Variants in SI observed in about 807,000 individuals in gnomAD.
SI encodes sucrase-isomaltase, intestinal.
In SI, 235 loss-of-function variants were observed where a neutral mutation model predicts 253.3. That is an observed-to-expected ratio of 0.93 (90% CI 0.83 to 1.03). The LOEUF (loss-of-function observed/expected upper bound fraction) is 1.03. Among genes scored for constraint, SI ranks in the 50% least tolerant of loss-of-function variants. SI has a pLI of 0.00. For synonymous variants in SI, 819 were observed against 712.0 expected (o/e 1.15, Z -2.39); for missense variants, 2,442 against 2,211.1 (o/e 1.10, Z -2.09).
chr3:165,005,248 T>C (rs1718447749), intron 37 of SI, among the ~76,000 whole-genome samples: 1 of 151,332 alleles, frequency 6.6e-6, no homozygotes, highest in South Asian at 2.1e-4. Flanking sequence ...ATGGGTGCTA[T>C]ATATATAGTT....
chr3:165,030,555 G>A (rs955898155), intron 25 of SI, among the ~76,000 whole-genome samples, 157 bp downstream of exon 25: 35 of 150,932 alleles, frequency 2.3e-4, no homozygotes, highest in Admixed American at 2.3e-3. Context: ...TAAGATAAAA[G>A]TGAATTGCCT....
chr3:165,041,870 T>C (rs955259759), intron 17 of SI, among the ~76,000 whole-genome samples: 1 of 152,092 alleles, frequency 6.6e-6, no homozygotes, highest in Non-Finnish European at 1.5e-5. Flanking sequence ...TGAATGAGCA[T>C]AGTAAGAACA....
chr3:165,029,786 G>A (rs1212545582), intron 25 of SI, among the ~76,000 whole-genome samples: 2 of 150,232 alleles, frequency 1.3e-5, no homozygotes, highest in Non-Finnish European at 3.0e-5. Context: ...ATGCAAAGGG[G>A]AATGGATGTG....
At position 165,019,690 on chromosome 3, in the gene SI, T is replaced by A; in HGVS notation, c.3335A>T (p.Tyr1112Phe). ...TGTATGTTCCACTTCCCCAAAACCA[T>A]ATATATATTCTGATGGCAGGCGAGT... ...ISTRLPSEYI[Y>F]GFGEVEHTAF... The change falls in exon 28 of 48, where the codon TAT becomes TTT. Residue 1112 changes from tyrosine to phenylalanine, a missense_variant. By Grantham distance (22) the Tyr-to-Phe change is conservative. Transcript: ENST00000264382. The A allele has an allele frequency of 6.2e-7, 1 of 1,611,694 alleles. No individual in the cohort carries two copies. Among genetic ancestry groups the A allele is most frequent in the Non-Finnish European group, 8.5e-7 (1 of 1,178,258 alleles).
intron 12 of SI, among the ~76,000 whole-genome samples, chr3:165,056,645 A>C (rs1323056858): frequency 6.6e-6 from 1 of 152,136 alleles, no homozygotes; most frequent in African/African-American, 2.4e-5. Context: ...ATTGGAGCTC[A>C]GTATTGGCCT....
At chr3:165,031,134 A>G (rs1435306232) in intron 24 of SI, among the ~76,000 whole-genome samples, 1 of 149,498 alleles carries the variant, frequency 6.7e-6, no homozygotes, top group African/African-American at 2.4e-5. Flanking sequence ...AATTATGTCT[A>G]TAATTGGGAT....
the SI span, among the ~76,000 whole-genome samples, chr3:165,087,457 G>A: frequency 6.6e-6 from 1 of 152,276 alleles, no homozygotes; most frequent in South Asian, 2.1e-4. Context: ...AGGGTCAGCA[G>A]ATATCCAGAA....
chr3:165,082,177 C>T (rs996400600), upstream of SI, among the ~76,000 whole-genome samples: 4 of 151,950 alleles, frequency 2.6e-5, no homozygotes, highest in Non-Finnish European at 5.9e-5. Flanking sequence ...CTAGCTCTAT[C>T]TCAATTGATA....
At chr3:165,031,269 T>C (rs1712222965) in intron 24 of SI, among the ~76,000 whole-genome samples, 1 of 149,276 alleles carries the variant, frequency 6.7e-6, no homozygotes, top group Non-Finnish European at 1.5e-5. Context: ...TTGCAAAACT[T>C]TAAGGAATGA....
rs761353079 is a variant in SI, at chr3:165,055,299, T to A, written c.1407A>T (p.Pro469=). The A allele has an allele frequency of 1.9e-6, 3 of 1,558,676 alleles. No homozygotes were observed. Among genetic ancestry groups the A allele is most frequent in the African/African-American group, 2.7e-5 (2 of 73,878 alleles). The change falls in exon 13 of 48, where the codon CCA becomes CCT. Residue 469 remains proline (P), a synonymous_variant. Transcript: ENST00000264382. ...GSTPIIGEVW[P]GLTVYPDFTN... ...TGAAATCAGGGTATACTGTTAATCC[T>A]GGCCATACCTAGAAGAATAGATCAT...
the SI span, among the ~76,000 whole-genome samples, chr3:165,088,337 ACT>A: frequency 6.9e-6 from 1 of 144,858 alleles, no homozygotes; most frequent in Admixed American, 6.9e-5. Flanking sequence ...CAAGAGAGAA[ACT>A]CTCTCTCAAA....
intron 37 of SI, among the ~76,000 whole-genome samples, chr3:165,002,077 T>G (rs1027626612): frequency 6.6e-6 from 1 of 151,642 alleles, no homozygotes; most frequent in Non-Finnish European, 1.5e-5. Context: ...TTTAATTTTC[T>G]AAGTCCTCTC....
intron 45 of SI, among the ~76,000 whole-genome samples, chr3:164,983,272 G>C (rs1717282691): frequency 6.6e-6 from 1 of 152,154 alleles, no homozygotes; most frequent in Non-Finnish European, 1.5e-5. Context: ...GGACAAGCTA[G>C]GTGGTGTATG....
At chr3:165,060,099 G>A (rs1219684906) in intron 9 of SI, 72 bp from the exon 10 acceptor site, 2 of 1,324,636 alleles carry the variant, frequency 1.5e-6, no homozygotes, top group Non-Finnish European at 2.1e-6. Flanking sequence ...CAAGGTTAAT[G>A]TGCCTCTTAT....
the SI span, among the ~76,000 whole-genome samples, chr3:165,087,322 C>T: frequency 6.6e-6 from 1 of 151,992 alleles, no homozygotes; most frequent in Non-Finnish European, 1.5e-5. Flanking sequence ...GAGAACGACA[C>T]CCTTATCAAA....
At chr3:165,043,279 T>C in intron 16 of SI, 104 bp from the exon 17 acceptor site, 1 of 762,650 alleles carries the variant, frequency 1.3e-6, no homozygotes, top group South Asian at 1.6e-5. Context: ...ATATACAATT[T>C]GTTTTACTCC....
intron 25 of SI, among the ~76,000 whole-genome samples, chr3:165,025,060 T>G (rs1470216388): frequency 1.3e-5 from 2 of 151,238 alleles, no homozygotes; most frequent in Non-Finnish European, 3.0e-5. Flanking sequence ...AACCCAATAC[T>G]TGAGCTGTTC....
intron 37 of SI, among the ~76,000 whole-genome samples, chr3:165,002,170 T>A (rs1315580924): frequency 1.3e-5 from 2 of 151,700 alleles, no homozygotes; most frequent in Non-Finnish European, 3.0e-5. Context: ...TACATAATCC[T>A]TGAATATTTG....
At chr3:165,071,578 C>A (rs1159961204) in intron 3 of SI, among the ~76,000 whole-genome samples, 1 of 151,648 alleles carries the variant, frequency 6.6e-6, no homozygotes, top group Non-Finnish European at 1.5e-5. Flanking sequence ...ATTATGCCCC[C>A]GAAATTCATA....
Sources: gnomAD v4.1 joint callset for allele counts (sites outside exome capture counted in the v4.1 genomes callset) on GRCh38, gnomAD v4.1.1 for gene constraint, MANE v1.5 for transcripts, NCBI Gene and HGNC (gene_info 2026-07-23, HGNC 2026-07-21) for gene names.